SLC14A2: variants seen among roughly 807,000 people sequenced by gnomAD.
The protein encoded by SLC14A2 is solute carrier family 14 member 2.
SLC14A2 carries 91 observed loss-of-function variants against 104.6 expected under a neutral mutation model. The ratio of observed to expected loss-of-function variants is 0.87; its 90% CI spans 0.73 to 1.04. SLC14A2 has a LOEUF of 1.04. Ranked by LOEUF, SLC14A2 falls within the 50% of genes least tolerant of loss-of-function variation. The probability of loss-of-function intolerance (pLI) is 0.00; values close to 1 mark genes in which losing one functional copy is unlikely to be tolerated. For synonymous variants in SLC14A2, 476 were observed against 466.4 expected (o/e 1.02, Z -0.27); for missense variants, 1,189 against 1,156.0 (o/e 1.03, Z -0.41).
intron 1 of SLC14A2, among the ~76,000 whole-genome samples, chr18:45,339,848 AG>A (rs2085376020): frequency 6.6e-6 from 1 of 152,246 alleles, no homozygotes; most frequent in African/African-American, 2.4e-5. Flanking sequence ...AGAGAGCAAA[AG>A]GATGCACTGT....
intron 1 of SLC14A2, among the ~76,000 whole-genome samples, chr18:45,221,785 T>C (rs1160146679): frequency 1.3e-5 from 2 of 151,962 alleles, no homozygotes; most frequent in East Asian, 1.9e-4. Flanking sequence ...AACAATGTCT[T>C]AGAGTGTGTA....
At chr18:45,217,115 C>A (rs2084017764) in intron 1 of SLC14A2, among the ~76,000 whole-genome samples, 1 of 151,760 alleles carries the variant, frequency 6.6e-6, no homozygotes, top group Non-Finnish European at 1.5e-5. Context: ...TTCCTCCTTT[C>A]CTTGCACTTC....
At chr18:45,657,114 A>C (rs1472966167) in intron 10 of SLC14A2, among the ~76,000 whole-genome samples, 1 of 152,158 alleles carries the variant, frequency 6.6e-6, no homozygotes, top group Admixed American at 6.5e-5. Flanking sequence ...CCATGGTTTA[A>C]AGAGAAATAG....
the SLC14A2 span, among the ~76,000 whole-genome samples, chr18:45,201,024 A>T: frequency 6.6e-6 from 1 of 151,906 alleles, no homozygotes; most frequent in African/African-American, 2.4e-5. Context: ...CAGACTTTCC[A>T]TTTTTTGATG....
chr18:45,431,316 T>C (rs2086511405), intron 1 of SLC14A2, among the ~76,000 whole-genome samples: 1 of 152,032 alleles, frequency 6.6e-6, no homozygotes, highest in African/African-American at 2.4e-5. Context: ...TCTGTGTGTC[T>C]GTGTGTGTGT....
intron 1 of SLC14A2, among the ~76,000 whole-genome samples, chr18:45,420,816 C>T (rs886635775): frequency 3.3e-5 from 5 of 151,516 alleles, no homozygotes; most frequent in East Asian, 1.9e-4. Context: ...TCTTGGCTCA[C>T]GGCAACCTCC....
At chr18:45,283,550 GC>G (rs2084784352) in intron 1 of SLC14A2, among the ~76,000 whole-genome samples, 1 of 152,292 alleles carries the variant, frequency 6.6e-6, no homozygotes, top group East Asian at 1.9e-4. Flanking sequence ...CACTAGCACA[GC>G]TTATAATGCT....
At chr18:45,189,500 T>C in the SLC14A2 span, among the ~76,000 whole-genome samples, 1 of 152,156 alleles carries the variant, frequency 6.6e-6, no homozygotes, top group Non-Finnish European at 1.5e-5. Context: ...CTGTCATCAA[T>C]AGATAAAATG....
intron 1 of SLC14A2, among the ~76,000 whole-genome samples, chr18:45,453,473 A>G (rs1028316209): frequency 3.9e-5 from 6 of 152,230 alleles, no homozygotes; most frequent in Non-Finnish European, 8.8e-5. Context: ...CAAAATGTTT[A>G]AATAAAGACA....
At chr18:45,185,003 G>C in the SLC14A2 span, among the ~76,000 whole-genome samples, 2 of 152,174 alleles carry the variant, frequency 1.3e-5, no homozygotes, top group African/African-American at 4.8e-5. Flanking sequence ...GTATGTGCTA[G>C]TATTTTATTG....
intron 2 of SLC14A2, among the ~76,000 whole-genome samples, chr18:45,600,951 AT>A (rs1234636661): frequency 6.6e-6 from 1 of 152,216 alleles, no homozygotes; most frequent in Non-Finnish European, 1.5e-5. Flanking sequence ...GACCATCCTC[AT>A]TTGAGGGAAC....
At chr18:45,182,691 A>T in the SLC14A2 span, among the ~76,000 whole-genome samples, 1 of 152,096 alleles carries the variant, frequency 6.6e-6, no homozygotes, top group African/African-American at 2.4e-5. Flanking sequence ...TATATAAAGC[A>T]ACAACAAAAA....
At chr18:45,583,626 C>G (rs1423929063) in intron 2 of SLC14A2, among the ~76,000 whole-genome samples, 1 of 151,918 alleles carries the variant, frequency 6.6e-6, no homozygotes, top group Non-Finnish European at 1.5e-5. Flanking sequence ...AGAAAGCACC[C>G]AAAACTCCCA....
chr18:45,457,268 T>G lies in SLC14A2; in HGVS notation c.-124-25965T>G, dbSNP rs113186429. Among the ~76,000 whole-genome samples the G allele has an allele frequency of 5.4e-3, 823 of 152,290 alleles. 10 individuals carry two copies. Among genetic ancestry groups the G allele is most frequent in the African/African-American group, 0.019 (786 of 41,554 alleles). ...TACAGTAAACAACTATAGCCCTTTT[T>G]CAGCCAGTTTGCTGGACAATGGTTC... is the stretch of plus-strand genomic sequence containing the variant. On this transcript the variant is annotated intron_variant, in intron 1 of 20. Transcript: ENST00000586448.
At chr18:45,221,187 G>A (rs1031344095) in intron 1 of SLC14A2, among the ~76,000 whole-genome samples, 6 of 152,134 alleles carry the variant, frequency 3.9e-5, no homozygotes, top group African/African-American at 1.4e-4. Context: ...GGTACAGCTG[G>A]ACTAGGAAAA....
At chr18:45,338,682 C>CA (rs59474827) in intron 1 of SLC14A2, among the ~76,000 whole-genome samples, 4,001 of 51,466 alleles carry the variant, frequency 0.078, 883 homozygotes, top group African/African-American at 0.14. Flanking sequence ...CACTGGCTCA[C>CA]AAAAAAAAAA....
intron 1 of SLC14A2, among the ~76,000 whole-genome samples, chr18:45,359,329 C>T (rs1214144177): frequency 6.6e-6 from 1 of 152,174 alleles, no homozygotes; most frequent in Admixed American, 6.5e-5. Flanking sequence ...CCCCGTCTAG[C>T]GTTTGTTCCA....
At chr18:45,188,958 C>T in the SLC14A2 span, among the ~76,000 whole-genome samples, 30 of 152,160 alleles carry the variant, frequency 2.0e-4, no homozygotes, top group African/African-American at 7.0e-4. Flanking sequence ...GCTTGCAGGC[C>T]TCCTGTTGAA....
intron 1 of SLC14A2, chr18:45,482,480 G>A (rs920055462): frequency 6.6e-6 from 1 of 152,134 alleles, no homozygotes; most frequent in Non-Finnish European, 1.5e-5. Flanking sequence ...GAAGGTATTT[G>A]ATGGAGCTAC....
Sources: gnomAD v4.1 joint callset for allele counts (sites outside exome capture counted in the v4.1 genomes callset) on GRCh38, gnomAD v4.1.1 for gene constraint, MANE v1.5 for transcripts, NCBI Gene and HGNC (gene_info 2026-07-23, HGNC 2026-07-21) for gene names.